The following GPR137C variants were observed in gnomAD, a reference collection of about 807,000 sequenced individuals.
The protein encoded by GPR137C is G protein-coupled receptor 137C.
A neutral mutation model predicts 43.4 loss-of-function variants in GPR137C; 27 were observed. That is an observed-to-expected ratio of 0.62 (90% CI 0.46 to 0.86). The LOEUF (loss-of-function observed/expected upper bound fraction) is 0.86. GPR137C is among the 40% of genes least tolerant of loss of function. GPR137C has a pLI of 0.00. For missense variants in GPR137C, 522 were observed against 534.6 expected (o/e 0.98, Z 0.23); for synonymous variants, 285 against 226.9 (o/e 1.26, Z -2.30).
chr14:52,592,548 T>C (rs2038798017), intron 1 of GPR137C, among the ~76,000 whole-genome samples: 1 of 152,182 alleles, frequency 6.6e-6, no homozygotes, highest in African/African-American at 2.4e-5. Context: ...GTCCTTCACA[T>C]CCCTTGTAAG....
chr14:52,573,146 C>T (rs2038497677), intron 1 of GPR137C, among the ~76,000 whole-genome samples: 1 of 152,150 alleles, frequency 6.6e-6, no homozygotes, highest in Non-Finnish European at 1.5e-5. Context: ...GGCCATACTG[C>T]CCAAAGCAAT....
At chr14:52,612,873 A>T (rs1040587976) in intron 3 of GPR137C, 1 of 151,464 alleles carries the variant, frequency 6.6e-6, no homozygotes, top group Admixed American at 6.6e-5. Flanking sequence ...GCCCATTATT[A>T]TTTTTTTTAA....
chr14:52,617,812 CT>C (rs1485737112), intron 3 of GPR137C, among the ~76,000 whole-genome samples: 1 of 152,184 alleles, frequency 6.6e-6, no homozygotes, highest in Non-Finnish European at 1.5e-5. Context: ...CTTTCCTGAT[CT>C]GCAAAATGGA....
At position 52,553,109 on chromosome 14, in the gene GPR137C, T is replaced by C; in HGVS notation, c.-39T>C. The C allele has an allele frequency of 9.0e-7, 1 of 1,111,464 alleles. No individual in the cohort carries two copies. The allele number at this position is 1,111,464 out of a possible 1,614,324, so 68.9% of individuals were successfully genotyped here. ...CGACGGCGGCTCCGAGTCCAGCCCC[T>C]TCCTTCCCGCGCTCGCTCGCCCGGC... On this transcript the variant is annotated 5_prime_UTR_variant, in exon 1 of 7. Coordinates refer to ENST00000321662, the MANE Select transcript of GPR137C (RefSeq NM_001099652.2).
At chr14:52,559,526 T>G (rs1254075640) in intron 1 of GPR137C, among the ~76,000 whole-genome samples, 1 of 152,066 alleles carries the variant, frequency 6.6e-6, no homozygotes, top group Non-Finnish European at 1.5e-5. Flanking sequence ...AAATTAACTT[T>G]TAGTAAATGA....
chr14:52,577,514 G>GCACACACACACACA (rs752625898), intron 1 of GPR137C, among the ~76,000 whole-genome samples: 1,330 of 118,466 alleles, frequency 0.011, 9 homozygotes, highest in Non-Finnish European at 0.012. Context: ...GTGCGCGCGC[G>GCACACACACACACA]CGCACACACA....
intron 3 of GPR137C, among the ~76,000 whole-genome samples, chr14:52,619,469 T>C (rs2039135354): frequency 1.3e-5 from 2 of 152,164 alleles, no homozygotes; most frequent in African/African-American, 2.4e-5. Context: ...TCTTAAGCTA[T>C]AGAGCTTCTT....
chr14:52,553,110 T>C lies in GPR137C; in HGVS notation c.-38T>C. ...GACGGCGGCTCCGAGTCCAGCCCCT[T>C]CCTTCCCGCGCTCGCTCGCCCGGCC... On this transcript the variant is annotated 5_prime_UTR_variant, in exon 1 of 7. Transcript: ENST00000321662. 1 of 1,122,362 alleles carries C rather than the reference T, an allele frequency of 8.9e-7. No homozygotes were observed. Among genetic ancestry groups the C allele is most frequent in the Non-Finnish European group, 1.1e-6 (1 of 911,362 alleles). 69.5% of individuals were successfully genotyped at this position (1,122,362 alleles called of 1,614,324 possible). A position where few individuals can be genotyped will look rare whatever the true frequency, so the allele number is the denominator to read the frequency against.
chr14:52,629,557 A>G (rs998724337), intron 3 of GPR137C, among the ~76,000 whole-genome samples: 10 of 152,222 alleles, frequency 6.6e-5, no homozygotes, highest in Non-Finnish European at 1.5e-4. Context: ...GATGAATCTC[A>G]GAAACATTCT....
chr14:52,593,358 G>A (rs1368089084), intron 1 of GPR137C, among the ~76,000 whole-genome samples: 1 of 152,158 alleles, frequency 6.6e-6, no homozygotes, highest in East Asian at 1.9e-4. Flanking sequence ...AATGAGTTAG[G>A]GAGGAGTCCC....
At chr14:52,620,841 TTAAAGA>T (rs1227381701) in intron 3 of GPR137C, among the ~76,000 whole-genome samples, 1 of 151,938 alleles carries the variant, frequency 6.6e-6, no homozygotes, top group African/African-American at 2.4e-5. Context: ...GTCAGTTCAC[TTAAAGA>T]TAAATCAATA....
intron 1 of GPR137C, among the ~76,000 whole-genome samples, chr14:52,588,309 T>C (rs2038737989): frequency 6.6e-6 from 1 of 152,060 alleles, no homozygotes; most frequent in Non-Finnish European, 1.5e-5. Context: ...CACTCCTGGC[T>C]GCTTTTTTTT....
intron 1 of GPR137C, among the ~76,000 whole-genome samples, chr14:52,567,016 G>A (rs1024811204): frequency 2.6e-5 from 4 of 152,146 alleles, no homozygotes; most frequent in African/African-American, 9.7e-5. Flanking sequence ...GGGAGGCTGC[G>A]GCAGGAGACT....
intron 3 of GPR137C, among the ~76,000 whole-genome samples, chr14:52,616,472 G>A (rs116074238): frequency 2.0e-5 from 3 of 152,026 alleles, no homozygotes; most frequent in African/African-American, 7.2e-5. Context: ...TTTTTGTATT[G>A]TAAGTACAGA....
chr14:52,559,751 C>T (rs1197577992), intron 1 of GPR137C, among the ~76,000 whole-genome samples: 1 of 152,136 alleles, frequency 6.6e-6, no homozygotes, highest in African/African-American at 2.4e-5. Context: ...TTGTAGGTGA[C>T]ACAATTTCTT....
At chr14:52,624,896 C>T (rs533135982) in intron 3 of GPR137C, among the ~76,000 whole-genome samples, 20 of 152,232 alleles carry the variant, frequency 1.3e-4, no homozygotes, top group East Asian at 3.9e-4. Context: ...GAGGGACTAT[C>T]ACTAAACATC....
chr14:52,614,773 C>T (rs1378836190), intron 3 of GPR137C, among the ~76,000 whole-genome samples: 1 of 152,216 alleles, frequency 6.6e-6, no homozygotes, highest in African/African-American at 2.4e-5. Flanking sequence ...AGGCATGAGC[C>T]ACCATGCCCA....
chr14:52,581,731 A>G (rs1002273579), intron 1 of GPR137C, among the ~76,000 whole-genome samples: 1 of 152,194 alleles, frequency 6.6e-6, no homozygotes, highest in South Asian at 2.1e-4. Context: ...CATCTACTTA[A>G]TTGGATATGT....
At chr14:52,632,896 G>A (rs1386586272) in intron 4 of GPR137C, among the ~76,000 whole-genome samples, 1 of 152,030 alleles carries the variant, frequency 6.6e-6, no homozygotes, top group Non-Finnish European at 1.5e-5. Flanking sequence ...CATACATTTT[G>A]ACATAGCTAT....
Sources: allele counts gnomAD v4.1 joint callset (sites outside exome capture counted in the v4.1 genomes callset), GRCh38; gene constraint gnomAD v4.1.1; transcripts MANE v1.5; gene names NCBI Gene and HGNC (gene_info 2026-07-23, HGNC 2026-07-21).